MRTFA: variants seen among roughly 807,000 people sequenced by gnomAD.
MRTFA encodes the protein myocardin-related transcription factor A.
MRTFA carries 20 observed loss-of-function variants against 83.5 expected under a neutral mutation model. The ratio of observed to expected loss-of-function variants is 0.24; its 90% CI spans 0.17 to 0.35. MRTFA has a LOEUF of 0.35. MRTFA is among the 10% of genes least tolerant of loss of function. The pLI, the probability that MRTFA is intolerant of heterozygous loss-of-function variation, is 1.00. For synonymous variants in MRTFA, 659 were observed against 541.2 expected (o/e 1.22, Z -3.02); for missense variants, 1,200 against 1,224.7 (o/e 0.98, Z 0.30).
chr22:40,461,224 A>G (rs987023242), intron 4 of MRTFA, among the ~76,000 whole-genome samples: 3 of 150,778 alleles, frequency 2.0e-5, no homozygotes, highest in Admixed American at 2.0e-4. Flanking sequence ...AAAAAAAAAA[A>G]AAAAAAAGTT....
chr22:40,582,143 A>G (rs2055956408), intron 2 of MRTFA, among the ~76,000 whole-genome samples: 1 of 152,202 alleles, frequency 6.6e-6, no homozygotes, highest in African/African-American at 2.4e-5. Flanking sequence ...TATTCTGGAC[A>G]TTTCACATAA....
chr22:40,562,879 C>T (rs1457551487), intron 2 of MRTFA, among the ~76,000 whole-genome samples: 3 of 152,204 alleles, frequency 2.0e-5, no homozygotes, highest in Admixed American at 6.5e-5. Flanking sequence ...GAGTTCTCAA[C>T]GAATTGGGTA....
At chr22:40,413,137 CAAAAAAAAAAA>C (rs35119560) in intron 14 of MRTFA, among the ~76,000 whole-genome samples, 31 of 28,144 alleles carry the variant, frequency 1.1e-3, no homozygotes, top group South Asian at 5.8e-3. Flanking sequence ...CACCCTGTCT[CAAAAAAAAAAA>C]AAAAAAAAAA....
intron 4 of MRTFA, among the ~76,000 whole-genome samples, chr22:40,457,518 G>C (rs1172732174): frequency 6.6e-6 from 1 of 151,504 alleles, no homozygotes; most frequent in Non-Finnish European, 1.5e-5. Context: ...GAAAGAAAAA[G>C]AGAGAGAGAT....
chr22:40,415,680 A>G (rs867722023), intron 14 of MRTFA, among the ~76,000 whole-genome samples: 30 of 151,772 alleles, frequency 2.0e-4, no homozygotes, highest in African/African-American at 7.3e-4. Flanking sequence ...CCTCACACAG[A>G]CGCGCGCTAT....
chr22:40,490,087 T>C (rs1219898970), intron 3 of MRTFA, among the ~76,000 whole-genome samples: 2 of 152,166 alleles, frequency 1.3e-5, no homozygotes, highest in African/African-American at 2.4e-5. Flanking sequence ...TAGGTTTTTT[T>C]TGCATGTAAC....
At chr22:40,438,656 G>GT (rs1223684501) in intron 4 of MRTFA, among the ~76,000 whole-genome samples, 1 of 152,108 alleles carries the variant, frequency 6.6e-6, no homozygotes, top group Non-Finnish European at 1.5e-5. Context: ...AAATGTTACA[G>GT]TATTTTGAGT....
chr22:40,418,298 G>A (rs2052731808), intron 12 of MRTFA, 76 bp downstream of exon 12: 2 of 1,546,014 alleles, frequency 1.3e-6, no homozygotes, highest in South Asian at 2.5e-5. Flanking sequence ...GGGGTCCCCT[G>A]GCCCAAGAGG....
intron 1 of MRTFA, among the ~76,000 whole-genome samples, chr22:40,607,835 A>C (rs184146749): frequency 6.6e-6 from 1 of 152,340 alleles, no homozygotes; most frequent in African/African-American, 2.4e-5. Flanking sequence ...TTTGAAATGG[A>C]ATGATTTTTG....
chr22:40,561,810 T>C (rs1041491031), intron 2 of MRTFA, among the ~76,000 whole-genome samples: 3 of 152,174 alleles, frequency 2.0e-5, no homozygotes, highest in African/African-American at 7.2e-5. Context: ...TCCTTTGACC[T>C]TGAATCTGAG....
chr22:40,558,797 G>T (rs892947053), intron 2 of MRTFA, among the ~76,000 whole-genome samples: 10 of 143,006 alleles, frequency 7.0e-5, no homozygotes, highest in Admixed American at 2.1e-4. Flanking sequence ...GGTTTTTTGG[G>T]TTTTTTTTTT....
At chr22:40,432,640 G>A (rs2053090523) in intron 5 of MRTFA, among the ~76,000 whole-genome samples, 2 of 150,716 alleles carry the variant, frequency 1.3e-5, no homozygotes, top group Admixed American at 1.3e-4. Flanking sequence ...AGCCTCAGAG[G>A]ACATTATATA....
rs1364721413 is a variant in MRTFA at position 40,418,726 on chromosome 22, A to AG, written c.2011dup (p.Leu671ProfsTer61). ...GTTCTCCTGCTTCACGGGGGTGCCG[A>AG]GGGGGGCGGGGGCGGGGGCGGGCTG... On this transcript the variant is annotated frameshift_variant, in exon 12 of 15. Transcript: ENST00000355630. LOFTEE classifies it high-confidence loss of function. 1 of 155,018 alleles carries AG rather than the reference A, an allele frequency of 6.5e-6. No homozygotes were observed. Among genetic ancestry groups the AG allele is most frequent in the Admixed American group, 2.4e-4 (1 of 4,138 alleles). The allele number at this position is 155,018 out of a possible 1,614,324, so 9.6% of individuals were successfully genotyped here. A position where few individuals can be genotyped will look rare whatever the true frequency, so the allele number is the denominator to read the frequency against.
intron 3 of MRTFA, among the ~76,000 whole-genome samples, chr22:40,533,346 A>C (rs2055114801): frequency 6.6e-6 from 1 of 152,190 alleles, no homozygotes. Flanking sequence ...TTTTTTTCTC[A>C]AACAGGTCTC....
chr22:40,598,854 G>C (rs2056223126), intron 1 of MRTFA, among the ~76,000 whole-genome samples: 1 of 151,758 alleles, frequency 6.6e-6, no homozygotes, highest in Non-Finnish European at 1.5e-5. Flanking sequence ...AGCCAGGTGT[G>C]GCAGTGCACG....
chr22:40,628,657 A>C (rs1208612595), intron 1 of MRTFA, among the ~76,000 whole-genome samples: 1 of 151,192 alleles, frequency 6.6e-6, no homozygotes, highest in East Asian at 1.9e-4. Flanking sequence ...GTGGAAGTAA[A>C]AAAAAAAAAA....
At chr22:40,525,108 C>T (rs893767446) in intron 3 of MRTFA, among the ~76,000 whole-genome samples, 60 of 151,980 alleles carry the variant, frequency 3.9e-4, no homozygotes, top group African/African-American at 1.4e-3. Context: ...CTGTGCCCAG[C>T]CAACATAAGC....
intron 9 of MRTFA, among the ~76,000 whole-genome samples, chr22:40,422,712 C>G (rs2052867253): frequency 6.6e-6 from 1 of 152,202 alleles, no homozygotes; most frequent in African/African-American, 2.4e-5. Context: ...CAGGGAGTGC[C>G]ACAAGAAGGG....
At chr22:40,595,863 C>CTTTTTTTTTT (rs35215701) in intron 1 of MRTFA, among the ~76,000 whole-genome samples, 1 of 78,106 alleles carries the variant, frequency 1.3e-5, no homozygotes, top group Non-Finnish European at 2.4e-5. Flanking sequence ...TATCTAAAGT[C>CTTTTTTTTTT]TTTTTTTTTT....
Sources: gnomAD v4.1 joint callset for allele counts (sites outside exome capture counted in the v4.1 genomes callset) on GRCh38, gnomAD v4.1.1 for gene constraint, MANE v1.5 for transcripts, NCBI Gene and HGNC (gene_info 2026-07-23, HGNC 2026-07-21) for gene names.